The following ATP8B1 variants were observed in gnomAD, a reference collection of about 807,000 sequenced individuals.
ATP8B1 encodes phospholipid-transporting ATPase IC.
In ATP8B1, 80 loss-of-function variants were observed where a neutral mutation model predicts 149.9. The ratio of observed to expected loss-of-function variants is 0.53; its 90% CI spans 0.45 to 0.64. The LOEUF is 0.64. Among genes scored for constraint, ATP8B1 ranks in the 30% least tolerant of loss-of-function variants. ATP8B1 has a pLI of 0.00. For synonymous variants in ATP8B1, 536 were observed against 562.8 expected, an observed-to-expected ratio of 0.95 and a Z score of 0.67; for missense variants, 1,247 against 1,552.6, an observed-to-expected ratio of 0.80 and a Z score of 3.31.
At position 57,652,614 on chromosome 18, in the gene ATP8B1, G is replaced by T. The variant is rs1324887048; in HGVS notation, c.3131C>A (p.Ser1044Ter). 1.2e-6 allele frequency: 2 copies of T among 1,614,026 alleles called. No individual in the cohort carries two copies. The highest frequency in any genetic ancestry group is 1.7e-6 in the Non-Finnish European group (2 of 1,180,030). The change falls in exon 25 of 28, where the codon TCG (serine) becomes TAG (stop). Residue 1044 changes from serine to a stop codon, truncating the protein, a stop_gained. Transcript: ENST00000648908. LOFTEE classifies it high-confidence loss of function. ...AAGAGGTATGAAGAAGAGGATCATC[G>T]ATGTTAGGACCCCATGCAACAAGCT... ...FVSLLHGVLT[S>*]MILFFIPLGA...
chr18:57,772,487 G>A (rs1039762106), intron 1 of ATP8B1, among the ~76,000 whole-genome samples: 3 of 151,412 alleles, frequency 2.0e-5, no homozygotes, highest in African/African-American at 7.4e-5. Flanking sequence ...GACAGGGGAG[G>A]AAGAAGAAGA....
chr18:57,699,432 G>A (rs919381274), intron 6 of ATP8B1, among the ~76,000 whole-genome samples: 3 of 152,158 alleles, frequency 2.0e-5, no homozygotes, highest in African/African-American at 7.2e-5. Context: ...AGAGGAGGTT[G>A]TTGTTGTTAA....
intron 2 of ATP8B1, among the ~76,000 whole-genome samples, chr18:57,727,185 C>T (rs1229274951): frequency 1.3e-5 from 2 of 152,178 alleles, no homozygotes; most frequent in Non-Finnish European, 2.9e-5. Context: ...TACCCCTCAC[C>T]CTGCGGCTTT....
Position 57,668,522 on chromosome 18 carries a change from T to C in ATP8B1, c.2116A>G (p.Ile706Val), listed in dbSNP as rs890826801. 3.2e-6 allele frequency: 5 copies of C among 1,550,788 alleles called. No homozygotes were observed. Among genetic ancestry groups the C allele is most frequent in the Admixed American group, 3.7e-5 (2 of 54,776 alleles). Residue 706 changes from isoleucine (I) to valine (V), a missense_variant, in exon 19 of 28, where the codon ATT becomes GTT. Coordinates refer to ENST00000648908, the MANE Select transcript of ATP8B1 (RefSeq NM_001374385.1). Reference sequence around the variant, plus strand: ...ACTCCATCCTGTAGCTTGTCTTCAATAGCTGTAGCTCCCAGGAGCTAGAAT... The same window carrying C: ...ACTCCATCCTGTAGCTTGTCTTCAACAGCTGTAGCTCCCAGGAGCTAGAAT... ...KDLILLGATA[I>V]EDKLQDGVPE...
intron 15 of ATP8B1, among the ~76,000 whole-genome samples, chr18:57,676,148 T>C (rs1388866779): frequency 6.6e-6 from 1 of 152,130 alleles, no homozygotes; most frequent in Non-Finnish European, 1.5e-5. Context: ...TAAAAAAGTA[T>C]GTTTTCTTTC....
intron 1 of ATP8B1, among the ~76,000 whole-genome samples, chr18:57,789,973 AC>A (rs976800869): frequency 6.6e-6 from 1 of 151,806 alleles, no homozygotes; most frequent in Non-Finnish European, 1.5e-5. Context: ...CCAATGCTTG[AC>A]CCCCGACCAC....
intron 22 of ATP8B1, among the ~76,000 whole-genome samples, chr18:57,656,391 T>C (rs79922782): frequency 6.6e-6 from 1 of 150,476 alleles, no homozygotes; most frequent in Non-Finnish European, 1.5e-5. Context: ...CTCTCTCTTT[T>C]TTTTTTTTTT....
chr18:57,793,337 G>A (rs990041516), intron 1 of ATP8B1, among the ~76,000 whole-genome samples: 1 of 151,964 alleles, frequency 6.6e-6, no homozygotes, highest in African/African-American at 2.4e-5. Flanking sequence ...TCAAGAATCT[G>A]ACATCTCAGC....
chr18:57,788,247 T>C (rs770209759), intron 1 of ATP8B1, among the ~76,000 whole-genome samples: 1 of 151,852 alleles, frequency 6.6e-6, no homozygotes, highest in Non-Finnish European at 1.5e-5. Flanking sequence ...GGTCCATCAT[T>C]TGAAGCACGA....
rs1484727968 is a variant in ATP8B1 at position 57,697,945 on chromosome 18, T to C, written c.555-78A>G. ...GAATTACTATTCTTTCTGGATGTTATAGATTCTGGAAAATATGCAAGTCAC... is the reference window on the plus strand; with the variant it reads ...GAATTACTATTCTTTCTGGATGTTACAGATTCTGGAAAATATGCAAGTCAC... On this transcript the variant is annotated intron_variant, in intron 6 of 27. Coordinates refer to ENST00000648908, the MANE Select transcript of ATP8B1 (RefSeq NM_001374385.1). 8.2e-6 allele frequency: 11 copies of C among 1,336,856 alleles called. No homozygotes were observed. The Admixed American group carries it at 1.7e-4, about 21-fold the overall frequency. 82.8% of individuals were successfully genotyped at this position (1,336,856 alleles called of 1,614,324 possible).
chr18:57,718,918 A>T (rs765872656), intron 2 of ATP8B1, among the ~76,000 whole-genome samples: 9 of 152,194 alleles, frequency 5.9e-5, no homozygotes, highest in Non-Finnish European at 1.2e-4. Context: ...GCTAGTATCA[A>T]ACTGAATGGG....
At chr18:57,731,538 C>T (rs2079765529) in intron 2 of ATP8B1, 89 bp downstream of exon 2, 3 of 1,460,558 alleles carry the variant, frequency 2.1e-6, no homozygotes, top group South Asian at 2.4e-5. Context: ...CTAGACCACG[C>T]AAAATAGACC....
At chr18:57,773,652 C>A (rs2080283294) in intron 1 of ATP8B1, among the ~76,000 whole-genome samples, 1 of 151,994 alleles carries the variant, frequency 6.6e-6, no homozygotes. Flanking sequence ...TAAGACTGAA[C>A]CCCTCAATTT....
intron 2 of ATP8B1, among the ~76,000 whole-genome samples, chr18:57,728,871 C>A (rs551894043): frequency 5.3e-5 from 8 of 151,974 alleles, no homozygotes; most frequent in African/African-American, 1.9e-4. Context: ...AGGTGTGCAC[C>A]ACCATGCCGG....
chr18:57,713,200 C>CTTTCTTTCTTTCTTTCTTTCT (rs775753740), intron 2 of ATP8B1, among the ~76,000 whole-genome samples: 3 of 60,712 alleles, frequency 4.9e-5, no homozygotes, highest in South Asian at 6.6e-4. Context: ...TCTTTCTTTC[C>CTTTCTTTCTTTCTTTCTTTCT]TTCCTTCCTT....
At chr18:57,680,725 A>G (rs1013721352) in intron 15 of ATP8B1, among the ~76,000 whole-genome samples, 3 of 151,934 alleles carry the variant, frequency 2.0e-5, no homozygotes, top group Non-Finnish European at 4.4e-5. Flanking sequence ...TCCCACATCC[A>G]TGGCTTTGTT....
intron 16 of ATP8B1, among the ~76,000 whole-genome samples, chr18:57,672,912 A>AAAAAACATG (rs1568189256): frequency 2.6e-5 from 2 of 75,546 alleles, no homozygotes; most frequent in Non-Finnish European, 5.3e-5. Context: ...ATATATATAT[A>AAAAAACATG]TATATATATA....
chr18:57,713,545 C>T (rs555678099), intron 2 of ATP8B1, among the ~76,000 whole-genome samples: 6 of 151,288 alleles, frequency 4.0e-5, no homozygotes, highest in Middle Eastern at 3.4e-3. Flanking sequence ...GGATGGAGTG[C>T]AGTGGTGCGA....
intron 2 of ATP8B1, among the ~76,000 whole-genome samples, chr18:57,710,028 A>C: frequency 6.8e-6 from 1 of 147,286 alleles, no homozygotes; most frequent in African/African-American, 2.5e-5. Flanking sequence ...ACGGAGTCTC[A>C]CTATGTTGCC....
Sources: allele counts gnomAD v4.1 joint callset (sites outside exome capture counted in the v4.1 genomes callset), GRCh38; gene constraint gnomAD v4.1.1; transcripts MANE v1.5; gene names NCBI Gene and HGNC (gene_info 2026-07-23, HGNC 2026-07-21).